Variants in CDYL observed in about 807,000 individuals in gnomAD.
The protein encoded by CDYL is chromodomain Y-like protein.
CDYL carries 8 observed loss-of-function variants against 47.3 expected under a neutral mutation model. The ratio of observed to expected loss-of-function variants is 0.17; its 90% confidence interval spans 0.10 to 0.31. The LOEUF is 0.31. Ranked by LOEUF, CDYL falls within the 10% of genes least tolerant of loss-of-function variation. The pLI, the probability that CDYL is intolerant of heterozygous loss-of-function variation, is 1.00. For missense variants in CDYL, 471 were observed against 701.4 expected (o/e 0.67, Z 3.71); for synonymous variants, 266 against 265.0 (o/e 1.00, Z -0.04).
chr6:4,928,250 T>C (rs1757936780), intron 2 of CDYL, among the ~76,000 whole-genome samples: 1 of 152,234 alleles, frequency 6.6e-6, no homozygotes, highest in East Asian at 1.9e-4. Flanking sequence ...CCACCACACC[T>C]TTTGTGTGTG....
intron 1 of CDYL, among the ~76,000 whole-genome samples, chr6:4,846,002 T>C (rs1760644957): frequency 6.6e-6 from 1 of 152,128 alleles, no homozygotes; most frequent in Non-Finnish European, 1.5e-5. Flanking sequence ...TTAACTGCTA[T>C]TATGTATGTG....
intron 1 of CDYL, among the ~76,000 whole-genome samples, chr6:4,845,123 TTA>T (rs777389854): frequency 7.2e-5 from 11 of 152,240 alleles, no homozygotes; most frequent in Admixed American, 5.2e-4. Context: ...CTTGATATTT[TTA>T]GAGGTTAATT....
intron 3 of CDYL, among the ~76,000 whole-genome samples, chr6:4,765,464 A>G (rs1758238266): frequency 6.6e-6 from 1 of 152,202 alleles, no homozygotes; most frequent in Non-Finnish European, 1.5e-5. Flanking sequence ...ATAAAAATAC[A>G]AACTATTAAG....
chr6:4,738,500 G>A (rs1460793913), intron 3 of CDYL, among the ~76,000 whole-genome samples: 1 of 152,208 alleles, frequency 6.6e-6, no homozygotes, highest in African/African-American at 2.4e-5. Context: ...TTTCCCATAT[G>A]ATTAGAAAAA....
At chr6:4,914,735 T>C (rs1757508748) in intron 2 of CDYL, among the ~76,000 whole-genome samples, 1 of 152,188 alleles carries the variant, frequency 6.6e-6, no homozygotes, top group African/African-American at 2.4e-5. Flanking sequence ...GCAGAATGGG[T>C]TTGTGACTGG....
At chr6:4,844,809 G>GT (rs1432386061) in intron 1 of CDYL, among the ~76,000 whole-genome samples, 19 of 152,036 alleles carry the variant, frequency 1.2e-4, no homozygotes, top group African/African-American at 3.1e-4. Flanking sequence ...CTATTTTGTT[G>GT]TTTTTTTAAT....
chr6:4,749,862 C>A (rs1299436094), intron 3 of CDYL, among the ~76,000 whole-genome samples: 3 of 152,120 alleles, frequency 2.0e-5, no homozygotes, highest in African/African-American at 4.8e-5. Context: ...GAAAGAGGGC[C>A]TTATTAATAC....
intron 1 of CDYL, among the ~76,000 whole-genome samples, chr6:4,801,893 T>C (rs1759236317): frequency 6.6e-6 from 1 of 152,234 alleles, no homozygotes; most frequent in Non-Finnish European, 1.5e-5. Context: ...TTTTTCACCG[T>C]GCTGCTTGTG....
chr6:4,913,967 T>C (rs1757484078), intron 2 of CDYL, among the ~76,000 whole-genome samples: 2 of 152,356 alleles, frequency 1.3e-5, no homozygotes, highest in South Asian at 4.1e-4. Context: ...GGAAACATAA[T>C]TTATTACCAT....
At chr6:4,951,280 C>A (rs1197310139) in intron 5 of CDYL, among the ~76,000 whole-genome samples, 2 of 152,156 alleles carry the variant, frequency 1.3e-5, no homozygotes, top group East Asian at 3.9e-4. Context: ...GAAGGTTAAC[C>A]GGGCAAGATA....
chr6:4,822,422 A>G (rs558009537), intron 1 of CDYL, among the ~76,000 whole-genome samples: 102 of 144,466 alleles, frequency 7.1e-4, no homozygotes, highest in African/African-American at 2.9e-3. Context: ...ATCTGGGGGG[A>G]AAAAATCAAT....
At chr6:4,818,776 A>G (rs562245130) in intron 1 of CDYL, among the ~76,000 whole-genome samples, 3 of 152,346 alleles carry the variant, frequency 2.0e-5, no homozygotes, top group South Asian at 4.1e-4. Flanking sequence ...TCTGACCACA[A>G]TTGCTTAGCA....
chr6:4,756,669 A>G (rs936294321), intron 3 of CDYL, among the ~76,000 whole-genome samples: 2 of 151,750 alleles, frequency 1.3e-5, no homozygotes, highest in Admixed American at 6.6e-5. Flanking sequence ...ATGAATTACA[A>G]CCATCTTCTA....
chr6:4,903,374 C>T (rs527524017), intron 2 of CDYL, among the ~76,000 whole-genome samples: 2 of 152,310 alleles, frequency 1.3e-5, no homozygotes, highest in African/African-American at 2.4e-5. Context: ...TTTTCTACTA[C>T]CTGCCACATG....
chr6:4,871,950 A>G (rs1436922179), intron 1 of CDYL, among the ~76,000 whole-genome samples: 1 of 152,170 alleles, frequency 6.6e-6, no homozygotes, highest in Non-Finnish European at 1.5e-5. Flanking sequence ...AACATCGCCC[A>G]GGATCTCTGT....
chr6:4,864,823 A>T (rs571859635), intron 1 of CDYL, among the ~76,000 whole-genome samples: 23 of 152,038 alleles, frequency 1.5e-4, no homozygotes, highest in Admixed American at 1.4e-3. Context: ...TCTCAGTTTC[A>T]GGTATGTCTT....
At chr6:4,741,265 C>T (rs1757792921) in intron 3 of CDYL, among the ~76,000 whole-genome samples, 1 of 151,210 alleles carries the variant, frequency 6.6e-6, no homozygotes, top group Admixed American at 6.6e-5. Flanking sequence ...GACCAGATGT[C>T]AAATCTACAC....
At chr6:4,925,104 AGTGTGTTTTGT>A (rs1039587120) in intron 2 of CDYL, among the ~76,000 whole-genome samples, 36 of 152,142 alleles carry the variant, frequency 2.4e-4, no homozygotes, top group Admixed American at 9.8e-4. Flanking sequence ...TGGCTGTTTG[AGTGTGTTTTGT>A]GTGTGTTTTG....
chr6:4,780,266 A>G (rs768968405), intron 1 of CDYL, among the ~76,000 whole-genome samples: 21 of 145,566 alleles, frequency 1.4e-4, no homozygotes, highest in South Asian at 2.2e-4. Context: ...GTCTTGCTCT[A>G]TCTCCCAGGC....
Sources: allele counts gnomAD v4.1 joint callset (sites outside exome capture counted in the v4.1 genomes callset), GRCh38; gene constraint gnomAD v4.1.1; transcripts MANE v1.5; gene names NCBI Gene and HGNC (gene_info 2026-07-23, HGNC 2026-07-21).